The following ADCY3 variants were observed in gnomAD, a reference collection of about 807,000 sequenced individuals.
ADCY3 encodes the protein adenylate cyclase 3.
In ADCY3, 70 loss-of-function variants were observed where a neutral mutation model predicts 119.4. The ratio of observed to expected loss-of-function variants is 0.59; its 90% CI spans 0.48 to 0.72. The LOEUF is 0.72. ADCY3 is among the 30% of genes least tolerant of loss of function. The probability of loss-of-function intolerance (pLI) is 0.00; values close to 1 mark genes in which losing one functional copy is unlikely to be tolerated. For synonymous variants in ADCY3, 672 were observed against 621.4 expected (o/e 1.08, Z -1.21); for missense variants, 1,238 against 1,541.6 (o/e 0.80, Z 3.30).
intron 18 of ADCY3, 145 bp downstream of exon 18, chr2:24,823,064 A>T: frequency 1.9e-6 from 2 of 1,053,660 alleles, no homozygotes; most frequent in Non-Finnish European, 1.3e-6. Context: ...CAGCAGTTCC[A>T]GGTGGCTGCA....
intron 9 of ADCY3, among the ~76,000 whole-genome samples, chr2:24,836,701 A>T (rs961952043): frequency 6.6e-6 from 1 of 151,970 alleles, no homozygotes; most frequent in Admixed American, 6.6e-5. Flanking sequence ...ACCTCTTTTG[A>T]CCTTACTCAC....
chr2:24,913,491 G>C (rs1286275762), intron 2 of ADCY3, among the ~76,000 whole-genome samples: 2 of 152,164 alleles, frequency 1.3e-5, no homozygotes, highest in Non-Finnish European at 2.9e-5. Context: ...TTTCAGGGAA[G>C]TCCCCCAACC....
intron 2 of ADCY3, among the ~76,000 whole-genome samples, chr2:24,889,017 A>C (rs1479135428): frequency 1.3e-5 from 2 of 152,208 alleles, no homozygotes; most frequent in Non-Finnish European, 2.9e-5. Context: ...TCAAAAACAA[A>C]AACAGTGGAA....
chr2:24,825,980 G>A lies in ADCY3; in HGVS notation c.2577+65C>T, dbSNP rs1001659646. 94 of 1,515,830 alleles carry A rather than the reference G, an allele frequency of 6.2e-5. 1 individual carries two copies. The Middle Eastern group carries it at 8.5e-4, about 14-fold the overall frequency. The allele number at this position is 1,515,830 out of a possible 1,614,324, so 93.9% of individuals were successfully genotyped here. On this transcript the variant is annotated intron_variant, in intron 16 of 21. Coordinates refer to ENST00000679454, the MANE Select transcript of ADCY3 (RefSeq NM_004036.5). ...AGGAGCTTGGGCTCTTAGGTCCCAG[G>A]GCTGCTTCTCAGGAGGCCCTGTGGG...
chr2:24,893,894 G>A (rs1415520159), intron 2 of ADCY3, among the ~76,000 whole-genome samples: 1 of 152,124 alleles, frequency 6.6e-6, no homozygotes, highest in Non-Finnish European at 1.5e-5. Flanking sequence ...GTGAGCCACT[G>A]CCAATATCTG....
intron 2 of ADCY3, among the ~76,000 whole-genome samples, chr2:24,886,737 G>A (rs1003345908): frequency 2.0e-5 from 3 of 152,230 alleles, no homozygotes; most frequent in Admixed American, 6.5e-5. Context: ...GGTTCCGGGC[G>A]ATGCCCACGG....
Position 24,842,930 on chromosome 2 carries a change from G to A in ADCY3, c.826-546C>T, listed in dbSNP as rs76087690. Among the ~76,000 whole-genome samples, 8,808 of 152,294 alleles carry A rather than the reference G, an allele frequency of 0.058. 329 individuals are homozygous for A. Among genetic ancestry groups the A allele is most frequent in the East Asian group, 0.089 (460 of 5,176 alleles). ...AACCATGCCCAGCACAGCGCAGCAT[G>A]GCAAGTTCTGTGCCCAGAAAGGAGA... On this transcript the variant is annotated intron_variant, in intron 3 of 21. Transcript: ENST00000679454. The surrounding 1 kb of genome is among the most constrained non-coding windows in gnomAD (Gnocchi z 4.9).
chr2:24,860,173 C>T (rs1172416046), intron 3 of ADCY3, among the ~76,000 whole-genome samples: 12 of 152,254 alleles, frequency 7.9e-5, no homozygotes. Context: ...CTCCACCTGG[C>T]AGCAGGTGTG....
intron 21 of ADCY3, 167 bp downstream of exon 21, chr2:24,820,557 T>G (rs934857106): frequency 4.2e-5 from 60 of 1,416,012 alleles, no homozygotes; most frequent in Non-Finnish European, 5.5e-5. Context: ...TTTCTTCCTG[T>G]GCTGAGGCTA....
In ADCY3 at chr2:24,899,061, A is replaced by C. The variant is rs1034951589; in HGVS notation, c.675+19252T>G. On this transcript the variant is annotated intron_variant, in intron 2 of 21. Transcript: ENST00000679454. This position sits in a 1 kb window ranked among gnomAD's most constrained non-coding sequence, Gnocchi z 4.5. Reference sequence around the variant, plus strand: ...TGAATCCCGGTGTCACTGGCTTCCAATGTCCCCCTACCCCTCCCACCTTTT... The same window carrying C: ...TGAATCCCGGTGTCACTGGCTTCCACTGTCCCCCTACCCCTCCCACCTTTT... Among the ~76,000 whole-genome samples the C allele has an allele frequency of 1.3e-5, 2 of 151,750 alleles. No homozygotes were observed. Among genetic ancestry groups the C allele is most frequent in the Non-Finnish European group, 2.9e-5 (2 of 67,928 alleles).
intron 2 of ADCY3, among the ~76,000 whole-genome samples, chr2:24,880,095 C>T (rs1446897674): frequency 1.3e-5 from 2 of 152,204 alleles, no homozygotes; most frequent in Non-Finnish European, 2.9e-5. Flanking sequence ...AAGTTTCCAC[C>T]ATGTGCCTCA....
chr2:24,905,160 G>A (rs1412684903), intron 2 of ADCY3, among the ~76,000 whole-genome samples: 1 of 147,622 alleles, frequency 6.8e-6, no homozygotes, highest in Admixed American at 6.7e-5. Flanking sequence ...TTGAGGCAGA[G>A]TCTTGTTCTG....
chr2:24,919,287 T>G lies in ADCY3; in HGVS notation c.-197-103A>C. ...TAAAAGGATCTCTGCTGCAAGAGCC[T>G]CCCAACCCAGGGCCTTCCCTGCCAC... On this transcript the variant is annotated intron_variant, in intron 1 of 21. Coordinates refer to ENST00000679454, the MANE Select transcript of ADCY3 (RefSeq NM_004036.5). This position sits in a 1 kb window ranked among gnomAD's most constrained non-coding sequence, Gnocchi z 5.5. 2.9e-6 allele frequency: 1 copy of G among 339,238 alleles called. No individual in the cohort carries two copies. Among genetic ancestry groups the G allele is most frequent in the Non-Finnish European group, 5.5e-6 (1 of 182,278 alleles). The allele number at this position is 339,238 out of a possible 1,614,324, so 21.0% of individuals were successfully genotyped here. A position where few individuals can be genotyped will look rare whatever the true frequency, so the allele number is the denominator to read the frequency against.
At chr2:24,838,705 C>T in intron 7 of ADCY3, 83 bp from the exon 8 acceptor site, 3 of 1,593,538 alleles carry the variant, frequency 1.9e-6, no homozygotes, top group Non-Finnish European at 1.7e-6. Context: ...ACCACGGCTG[C>T]ACCGGCTGCT....
At position 24,841,302 on chromosome 2, in the gene ADCY3, C is replaced by T. The variant is rs756783003; in HGVS notation, c.1153G>A (p.Val385Ile). 4.3e-5 allele frequency: 67 copies of T among 1,576,320 alleles called. No individual in the cohort carries two copies. Among genetic ancestry groups the T allele is most frequent in the Middle Eastern group, 1.9e-4 (1 of 5,294 alleles). The change falls in exon 6 of 22, where the codon GTC becomes ATC. Residue 385 changes from valine to isoleucine, a missense_variant. Around this residue, in one of 7 missense-constraint regions of ADCY3, gnomAD observed 283 missense variants for 437.2 expected, o/e 0.65. Transcript: ENST00000679454. This position sits in a 1 kb window ranked among gnomAD's most constrained non-coding sequence, Gnocchi z 5.8. ...GLPDYREDHA[V>I]CSILMGLAMV... The stretch of plus-strand genomic sequence containing the variant: ...GCCAGCCCCATGAGGATGGAGCAGA[C>T]GGCGTGGTCCTCCCGGTAGTCGGGC...
At chr2:24,853,767 T>C (rs777985185) in intron 3 of ADCY3, among the ~76,000 whole-genome samples, 5 of 152,208 alleles carry the variant, frequency 3.3e-5, no homozygotes, top group Non-Finnish European at 4.4e-5. Flanking sequence ...ATTACAGGCA[T>C]GAGCCACCGT....
rs533927083 is a variant in ADCY3 at position 24,820,652 on chromosome 2, G to A, written c.3252+72C>T. The stretch of plus-strand genomic sequence containing the variant: ...GGGCCAGGGTGGGAGGCAGGGGCAC[G>A]TGGGAAAGCACTGTTCCGGTTTTGT... On this transcript the variant is annotated intron_variant, in intron 21 of 21. Transcript: ENST00000679454. 235 of 1,592,212 alleles carry A rather than the reference G, an allele frequency of 1.5e-4. No individual in the cohort carries two copies. In the East Asian group the frequency reaches 2.5e-3, roughly 17 times the overall value.
intron 7 of ADCY3, 44 bp downstream of exon 7, chr2:24,839,828 TC>T: frequency 1.2e-6 from 2 of 1,611,984 alleles, no homozygotes; most frequent in Non-Finnish European, 1.7e-6. Flanking sequence ...GAGGGGACGG[TC>T]CCCTCCCCAG....
rs566154186 is a variant in ADCY3 at position 24,847,982 on chromosome 2, G to T, written c.826-5598C>A. On this transcript the variant is annotated intron_variant, in intron 3 of 21. Transcript: ENST00000679454. ...GGTGTGCTTGAGGCTCGCGGGGCAG[G>T]AGGAGGCAGCCGTCAGGATCATGAG... 2.5e-3 allele frequency among the ~76,000 whole-genome samples: 384 copies of T among 152,326 alleles called. 2 individuals carry two copies. Among genetic ancestry groups the T allele is most frequent in the African/African-American group, 8.4e-3 (350 of 41,570 alleles).
Sources: allele counts gnomAD v4.1 joint callset (sites outside exome capture counted in the v4.1 genomes callset), GRCh38; gene constraint gnomAD v4.1.1; regional missense constraint gnomAD v4.1.1; non-coding constraint Gnocchi (gnomAD v3.1); transcripts MANE v1.5; gene names NCBI Gene and HGNC (gene_info 2026-07-23, HGNC 2026-07-21).